Variants in FECH observed in about 807,000 individuals in gnomAD.
The protein encoded by FECH is ferrochelatase, also known as ferrochelatase, mitochondrial.
A neutral mutation model predicts 56.9 loss-of-function variants in FECH; 40 were observed. The observed-to-expected ratio is 0.70, with a 90% CI of 0.55 to 0.92. The LOEUF (loss-of-function observed/expected upper bound fraction) is 0.92. Among genes scored for constraint, FECH ranks in the 40% least tolerant of loss-of-function variants. FECH has a pLI of 0.00. For synonymous variants in FECH, 175 were observed against 198.6 expected (o/e 0.88, Z 1.00); for missense variants, 431 against 529.1 (o/e 0.81, Z 1.82).
At chr18:57,572,596 G>GC (rs1555681084) in intron 3 of FECH, among the ~76,000 whole-genome samples, 1 of 140,984 alleles carries the variant, frequency 7.1e-6, no homozygotes, top group Admixed American at 7.0e-5. Context: ...AGTGGGGGGG[G>GC]GGGTGTGCAT....
At chr18:57,573,822 T>G (rs1247802068) in intron 2 of FECH, among the ~76,000 whole-genome samples, 1 of 152,194 alleles carries the variant, frequency 6.6e-6, no homozygotes, top group African/African-American at 2.4e-5. Flanking sequence ...TTTTGAGAAT[T>G]CAGTGGGTAA....
chr18:57,565,996 T>A (rs2051010875), intron 5 of FECH, among the ~76,000 whole-genome samples: 1 of 152,206 alleles, frequency 6.6e-6, no homozygotes, highest in Non-Finnish European at 1.5e-5. Context: ...AACCAACTCA[T>A]AACTGAAGCA....
rs375689425 is a variant in FECH, at chr18:57,554,389, G to A, written c.948C>T (p.Asp316=). ...GPMPWLGPQT[D]ESIKGLCERG... is the part of the protein sequence containing the mutation. The stretch of plus-strand genomic sequence containing the variant: ...TCTCACAAAGCCCTTTGATAGATTC[G>A]TCTGTTTGAGGACCCAACCAGGGCA... Residue 316 remains aspartate (D), a synonymous_variant, in exon 9 of 11, where the codon GAC becomes GAT. Coordinates refer to ENST00000262093, the MANE Select transcript of FECH (RefSeq NM_000140.5). 4.3e-6 allele frequency: 7 copies of A among 1,613,986 alleles called. No homozygotes were observed. Among genetic ancestry groups the A allele is most frequent in the African/African-American group, 4.0e-5 (3 of 74,910 alleles).
rs572586392 is a variant in FECH, at chr18:57,547,889, G to C, written c.*2823C>G. 1.3e-5 allele frequency among the ~76,000 whole-genome samples: 2 copies of C among 152,086 alleles called. No homozygotes were observed. Among genetic ancestry groups the C allele is most frequent in the Non-Finnish European group, 2.9e-5 (2 of 68,010 alleles). On this transcript the variant is annotated 3_prime_UTR_variant, in exon 11 of 11. Coordinates refer to ENST00000262093, the MANE Select transcript of FECH (RefSeq NM_000140.5). ...GGGATCAAGCAATCCTCCAACCTTG[G>C]CCTTCCAAAGTATTGGAATTACACA...
intron 4 of FECH, among the ~76,000 whole-genome samples, chr18:57,570,680 T>C (rs56107966): frequency 0.099 from 15,060 of 152,256 alleles, 754 homozygotes; most frequent in African/African-American, 0.12. Flanking sequence ...ACAATAGATG[T>C]TGTCTTAAAA....
chr18:57,572,086 A>G (rs2051118596), intron 3 of FECH, among the ~76,000 whole-genome samples: 1 of 152,236 alleles, frequency 6.6e-6, no homozygotes, highest in East Asian at 1.9e-4. Flanking sequence ...TAATCAAAAA[A>G]TGAGCCAGAC....
rs2050698235 is a variant in FECH, at chr18:57,544,732, T to G, written c.*5980A>C. ...TCAAGTGTTTGTGAAAATCACAGTGTAATGGCTACAGAAACAACTTATGTA... is the reference window on the plus strand; with the variant it reads ...TCAAGTGTTTGTGAAAATCACAGTGGAATGGCTACAGAAACAACTTATGTA... On this transcript the variant is annotated 3_prime_UTR_variant, in exon 11 of 11. Coordinates refer to ENST00000262093, the MANE Select transcript of FECH (RefSeq NM_000140.5). 6.6e-6 allele frequency among the ~76,000 whole-genome samples: 1 copy of G among 152,256 alleles called. No homozygotes were observed. Among genetic ancestry groups the G allele is most frequent in the South Asian group, 2.1e-4 (1 of 4,832 alleles).
Position 57,554,256 on chromosome 18 carries a change from T to C in FECH, c.1077+4A>G. 1 of 1,614,216 alleles carries C rather than the reference T, an allele frequency of 6.2e-7. No homozygotes were observed. The highest frequency in any genetic ancestry group is 8.5e-7 in the Non-Finnish European group (1 of 1,180,030). On this transcript the variant is annotated splice_donor_region_variant and intron_variant, in intron 9 of 10. Transcript: ENST00000262093. ...ATGGGAAAAAGGCAGATGGGTGCAT[T>C]TACCTCCTTGGCTAAAACTTGAGAG...
At position 57,579,783 on chromosome 18, in the gene FECH, CAT is replaced by C. The variant is rs376690842; in HGVS notation, c.194+288_194+289del. Among the ~76,000 whole-genome samples, 338 of 152,280 alleles carry C rather than the reference CAT, an allele frequency of 2.2e-3. 1 individual carries two copies. The highest frequency in any genetic ancestry group is 7.5e-3 in the African/African-American group (313 of 41,560). ...GTTAGGTTCGTAAATACATTTCCAGCATATATAATTTGTGTTATGTGACATAT... is the reference window on the plus strand; with the variant it reads ...GTTAGGTTCGTAAATACATTTCCAGCATATAATTTGTGTTATGTGACATAT... On this transcript the variant is annotated intron_variant, in intron 2 of 10. Transcript: ENST00000262093.
chr18:57,554,386 T>G lies in FECH; in HGVS notation c.951A>C (p.Glu317Asp). Residue 317 changes from glutamate to aspartate, a missense_variant, in exon 9 of 11, where the codon GAA (glutamate) becomes GAC (aspartate). Physicochemically the swap from Glu to Asp is conservative, Grantham distance 45. Transcript: ENST00000262093. ...PMPWLGPQTDESIKGLCERGR... is the reference protein window; with the variant it reads ...PMPWLGPQTDDSIKGLCERGR... ...CCCTCTCACAAAGCCCTTTGATAGA[T>G]TCGTCTGTTTGAGGACCCAACCAGG... The G allele has an allele frequency of 6.2e-7, 1 of 1,614,176 alleles. No individual in the cohort carries two copies. The highest frequency in any genetic ancestry group is 8.5e-7 in the Non-Finnish European group (1 of 1,180,016).
At chr18:57,575,201 A>G (rs1419623340) in intron 2 of FECH, among the ~76,000 whole-genome samples, 1 of 152,190 alleles carries the variant, frequency 6.6e-6, no homozygotes, top group East Asian at 1.9e-4. Context: ...TTATTGCTAA[A>G]TAATATTTCA....
chr18:57,571,114 T>C (rs1016862173), intron 4 of FECH, among the ~76,000 whole-genome samples: 3 of 152,230 alleles, frequency 2.0e-5, no homozygotes, highest in Admixed American at 2.0e-4. Context: ...GCTTATGCCT[T>C]ATACTCTAGC....
At chr18:57,573,394 T>C (rs765993300) in intron 2 of FECH, 29 bp from the exon 3 acceptor site, 2 of 1,613,506 alleles carry the variant, frequency 1.2e-6, no homozygotes. Flanking sequence ...AACGGTTGAT[T>C]TGTCACACTT....
At chr18:57,578,729 G>A (rs1392998292) in intron 2 of FECH, among the ~76,000 whole-genome samples, 2 of 151,858 alleles carry the variant, frequency 1.3e-5, no homozygotes, top group Non-Finnish European at 2.9e-5. Flanking sequence ...GGAGGCCAAG[G>A]TGGGTGGATC....
intron 5 of FECH, among the ~76,000 whole-genome samples, chr18:57,565,823 T>C (rs1174823696): frequency 6.6e-6 from 1 of 152,226 alleles, no homozygotes; most frequent in Admixed American, 6.5e-5. Flanking sequence ...TGGGTGACAG[T>C]AGCAGCTTTG....
chr18:57,550,876 T>C, intron 10 of FECH, 30 bp from the exon 11 acceptor site: 1 of 1,612,386 alleles, frequency 6.2e-7, no homozygotes, highest in Non-Finnish European at 8.5e-7. Context: ...CAAAGACGCA[T>C]GAGAAGCACA....
chr18:57,569,062 C>T (rs766373838), intron 4 of FECH, among the ~76,000 whole-genome samples: 1 of 152,214 alleles, frequency 6.6e-6, no homozygotes, highest in Non-Finnish European at 1.5e-5. Context: ...GGAACCCATA[C>T]GCCTATCCAC....
rs1255866941 is a variant in FECH, at chr18:57,546,219, T to C, written c.*4493A>G. 1.3e-5 allele frequency among the ~76,000 whole-genome samples: 2 copies of C among 152,150 alleles called. No individual in the cohort carries two copies. Among genetic ancestry groups the C allele is most frequent in the Non-Finnish European group, 2.9e-5 (2 of 68,030 alleles). ...TGAGGTGAGAAGGTTAAGAGGTGAA[T>C]TGGAGGTTCTTGGCTGATGCACCTG... On this transcript the variant is annotated 3_prime_UTR_variant, in exon 11 of 11. Transcript: ENST00000262093.
rs953908728 is a variant in FECH, at chr18:57,545,450, A to G, written c.*5262T>C. On this transcript the variant is annotated 3_prime_UTR_variant, in exon 11 of 11. Coordinates refer to ENST00000262093, the MANE Select transcript of FECH (RefSeq NM_000140.5). ...CCTTTTCTCTGAAGAAAGGCTTAGTAAGAGTCCCACATCAAAAGCAAAAGC... is the reference window on the plus strand; with the variant it reads ...CCTTTTCTCTGAAGAAAGGCTTAGTGAGAGTCCCACATCAAAAGCAAAAGC... 1.3e-5 allele frequency among the ~76,000 whole-genome samples: 2 copies of G among 152,200 alleles called. No individual in the cohort carries two copies. The highest frequency in any genetic ancestry group is 1.9e-4 in the East Asian group (1 of 5,200).
Sources: allele counts gnomAD v4.1 joint callset (sites outside exome capture counted in the v4.1 genomes callset), GRCh38; gene constraint gnomAD v4.1.1; transcripts MANE v1.5; gene names NCBI Gene and HGNC (gene_info 2026-07-23, HGNC 2026-07-21).